The following GPAT3 variants were observed in gnomAD, a reference collection of about 807,000 sequenced individuals.
GPAT3 encodes glycerol-3-phosphate acyltransferase 3.
GPAT3 carries 53 observed loss-of-function variants against 58.8 expected under a neutral mutation model. The ratio of observed to expected loss-of-function variants is 0.90; its 90% CI spans 0.72 to 1.13. The LOEUF (loss-of-function observed/expected upper bound fraction) is 1.13, where lower values mean the gene tolerates loss of function less well. Ranked by LOEUF, GPAT3 falls within the 50% of genes most tolerant of loss-of-function variation. GPAT3 has a pLI of 0.00. For synonymous variants in GPAT3, 197 were observed against 187.4 expected (o/e 1.05, Z -0.42); for missense variants, 511 against 527.6 (o/e 0.97, Z 0.31).
At chr4:83,574,603 C>G (rs72654978) in intron 2 of GPAT3, among the ~76,000 whole-genome samples, 26,192 of 113,698 alleles carry the variant, frequency 0.23, 3,026 homozygotes, top group Middle Eastern at 0.37. Context: ...CCTTTTAAAG[C>G]TGACTTGTAA....
At chr4:83,583,301 AAAG>A (rs1726233948) in intron 3 of GPAT3, among the ~76,000 whole-genome samples, 1 of 151,962 alleles carries the variant, frequency 6.6e-6, no homozygotes, top group African/African-American at 2.4e-5. Context: ...TCCAAAAAAA[AAAG>A]AAAGAAAGAA....
chr4:83,537,591 ATGTGTGTG>A (rs113407081), intron 1 of GPAT3, among the ~76,000 whole-genome samples: 142 of 145,272 alleles, frequency 9.8e-4, no homozygotes, highest in African/African-American at 3.2e-3. Context: ...TATGTATAAT[ATGTGTGTG>A]TGTGTGTGTG....
intron 2 of GPAT3, among the ~76,000 whole-genome samples, chr4:83,549,565 C>T (rs1724674165): frequency 6.7e-6 from 1 of 150,036 alleles, no homozygotes; most frequent in African/African-American, 2.4e-5. Context: ...CAGGGTCTCA[C>T]TCTATCACCC....
chr4:83,539,649 T>A (rs913798896), intron 1 of GPAT3, among the ~76,000 whole-genome samples: 2 of 152,220 alleles, frequency 1.3e-5, no homozygotes, highest in Non-Finnish European at 2.9e-5. Flanking sequence ...CACCTACTTC[T>A]ATTTTCTTCT....
chr4:83,561,249 A>G (rs1232066320), intron 2 of GPAT3, among the ~76,000 whole-genome samples: 1 of 152,256 alleles, frequency 6.6e-6, no homozygotes, highest in Admixed American at 6.5e-5. Context: ...TAATAAAACA[A>G]AAACAAAACA....
rs201126462 is a variant in GPAT3, at chr4:83,544,576, C to T, written c.182C>T (p.Ser61Leu). 3.0e-5 allele frequency: 48 copies of T among 1,613,812 alleles called. No homozygotes were observed. The highest frequency in any genetic ancestry group is 3.7e-5 in the Non-Finnish European group (44 of 1,179,976). ...ATTGAAAAAGGAACCCCAAAGGAGT[C>T]GATTCTTAAAAACTCTGCTTCTGTT... ...IRIEKGTPKE[S>L]ILKNSASVGI... The change falls in exon 2 of 12, where the codon TCG (serine) becomes TTG (leucine). Residue 61 changes from serine (S) to leucine (L), a missense_variant. Physicochemically the swap from Ser to Leu is moderately radical, Grantham distance 145 (BLOSUM62 -2). Coordinates refer to ENST00000264409, the MANE Select transcript of GPAT3 (RefSeq NM_032717.5).
At chr4:83,552,084 C>T (rs553650842) in intron 2 of GPAT3, among the ~76,000 whole-genome samples, 3 of 152,258 alleles carry the variant, frequency 2.0e-5, no homozygotes, top group South Asian at 4.1e-4. Context: ...TCAGCCTGAC[C>T]AGTGCCTGGA....
chr4:83,547,353 C>T (rs977255205), intron 2 of GPAT3, among the ~76,000 whole-genome samples: 39 of 149,706 alleles, frequency 2.6e-4, no homozygotes, highest in African/African-American at 8.4e-4. Flanking sequence ...CCCAGATTCA[C>T]GCCATTCTCC....
intron 2 of GPAT3, among the ~76,000 whole-genome samples, chr4:83,561,796 C>G (rs902598452): frequency 3.3e-5 from 5 of 150,102 alleles, no homozygotes; most frequent in Non-Finnish European, 7.4e-5. Context: ...CTTTTTCCCC[C>G]CTTTTTTGGT....
intron 2 of GPAT3, among the ~76,000 whole-genome samples, chr4:83,568,629 T>TG (rs2110087178): frequency 6.6e-6 from 1 of 152,136 alleles, no homozygotes; most frequent in South Asian, 2.1e-4. Flanking sequence ...TGCTTCAGCG[T>TG]CCGGGGTAGC....
intron 3 of GPAT3, among the ~76,000 whole-genome samples, chr4:83,586,314 C>T (rs994470293): frequency 6.6e-6 from 1 of 152,126 alleles, no homozygotes; most frequent in Non-Finnish European, 1.5e-5. Flanking sequence ...CTGTTCCTGA[C>T]CCTTAACCTT....
At chr4:83,589,334 A>G (rs1204654479) in intron 5 of GPAT3, among the ~76,000 whole-genome samples, 7 of 152,224 alleles carry the variant, frequency 4.6e-5, no homozygotes, top group African/African-American at 1.7e-4. Context: ...GTTTCACTCT[A>G]GGGTAGAGAT....
At chr4:83,588,005 G>GT (rs1444987725) in intron 4 of GPAT3, among the ~76,000 whole-genome samples, 2 of 151,994 alleles carry the variant, frequency 1.3e-5, no homozygotes, top group African/African-American at 4.8e-5. Context: ...GTTATGTCCA[G>GT]TTTTTTTGGT....
At chr4:83,541,808 C>T (rs1724314451) in intron 1 of GPAT3, among the ~76,000 whole-genome samples, 1 of 152,202 alleles carries the variant, frequency 6.6e-6, no homozygotes, top group Admixed American at 6.5e-5. Flanking sequence ...TAGCCTCATT[C>T]TGAGGCCTCT....
chr4:83,568,279 T>A (rs944728786), intron 2 of GPAT3, among the ~76,000 whole-genome samples: 1 of 152,162 alleles, frequency 6.6e-6, no homozygotes, highest in Non-Finnish European at 1.5e-5. Flanking sequence ...GCAATTGTGA[T>A]TGAGTCATCA....
At chr4:83,571,961 G>A (rs1045805036) in intron 2 of GPAT3, among the ~76,000 whole-genome samples, 10 of 151,800 alleles carry the variant, frequency 6.6e-5, no homozygotes, top group East Asian at 5.8e-4. Flanking sequence ...TTGTAGAGAC[G>A]GGGGTTTCAC....
intron 11 of GPAT3, 51 bp from the exon 12 acceptor site, chr4:83,604,617 T>C (rs1727188188): frequency 6.8e-7 from 1 of 1,469,512 alleles, no homozygotes; most frequent in Non-Finnish European, 9.4e-7. Context: ...GTTAACTCTT[T>C]TAAATCACCG....
At chr4:83,546,885 C>CGTGCTTGGGTATCCAGGG (rs1724539743) in intron 2 of GPAT3, among the ~76,000 whole-genome samples, 1 of 152,106 alleles carries the variant, frequency 6.6e-6, no homozygotes, top group Non-Finnish European at 1.5e-5. Context: ...CTCCTGATTT[C>CGTGCTTGGGTATCCAGGG]GTGCTTGGGT....
chr4:83,545,797 G>A (rs1379333642), intron 2 of GPAT3, among the ~76,000 whole-genome samples: 1 of 152,014 alleles, frequency 6.6e-6, no homozygotes, highest in Non-Finnish European at 1.5e-5. Context: ...ATTAAAAAAT[G>A]TATGTCCTTA....
Sources: gnomAD v4.1 joint callset for allele counts (sites outside exome capture counted in the v4.1 genomes callset) on GRCh38, gnomAD v4.1.1 for gene constraint, MANE v1.5 for transcripts, NCBI Gene and HGNC (gene_info 2026-07-23, HGNC 2026-07-21) for gene names.